LRRC28: variants seen among roughly 807,000 people sequenced by gnomAD.
The protein encoded by LRRC28 is leucine rich repeat containing 28.
In LRRC28, 39 loss-of-function variants were observed where a neutral mutation model predicts 45.7. That is an observed-to-expected ratio of 0.85 (90% CI 0.66 to 1.12). The LOEUF is 1.12. LRRC28 is among the 50% of genes most tolerant of loss of function. The pLI is 0.00. For synonymous variants in LRRC28, 206 were observed against 178.8 expected (o/e 1.15, Z -1.22); for missense variants, 435 against 438.5 (o/e 0.99, Z 0.07).
chr15:99,369,921 CT>C (rs967661100), intron 9 of LRRC28, among the ~76,000 whole-genome samples: 23 of 152,254 alleles, frequency 1.5e-4, no homozygotes, highest in African/African-American at 5.3e-4. Context: ...GTTATCTCTG[CT>C]TTTGTGTAAT....
rs773239780 is a variant in LRRC28, at chr15:99,333,997, C to A, written c.460C>A (p.His154Asn). The A allele has an allele frequency of 1.2e-6, 2 of 1,614,050 alleles. No individual in the cohort carries two copies. The highest frequency in any genetic ancestry group is 3.3e-5 in the Admixed American group (2 of 59,980). ...NRLLTLPERL[H>N]MCLSLQYLTV... Reference sequence around the variant, plus strand: ...TTTGCTAACTTTACCCGAGAGGCTTCACATGTGCCTTTCTCTGCAGTACCT... The same window carrying A: ...TTTGCTAACTTTACCCGAGAGGCTTAACATGTGCCTTTCTCTGCAGTACCT... The change falls in exon 6 of 10, where the codon CAC becomes AAC. Residue 154 changes from histidine (H) to asparagine (N), a missense_variant. Physicochemically the swap from His to Asn is moderately conservative, Grantham distance 68. Transcript: ENST00000301981.
intron 2 of LRRC28, 98 bp from the exon 3 acceptor site, chr15:99,276,478 T>G (rs2081619417): frequency 1.2e-6 from 1 of 867,312 alleles, no homozygotes. Flanking sequence ...TCTCAAAATT[T>G]ACACCCCTCA....
intron 3 of LRRC28, among the ~76,000 whole-genome samples, chr15:99,283,213 T>C (rs927117394): frequency 6.6e-6 from 1 of 151,960 alleles, no homozygotes; most frequent in Non-Finnish European, 1.5e-5. Flanking sequence ...TTTTTAAAAC[T>C]TTTTTTATTT....
chr15:99,275,553 C>T (rs1264108216), intron 2 of LRRC28, among the ~76,000 whole-genome samples: 1 of 152,194 alleles, frequency 6.6e-6, no homozygotes, highest in African/African-American at 2.4e-5. Context: ...TTCAGGGCTG[C>T]CGTGACAAAT....
At chr15:99,279,432 T>G (rs1476445184) in intron 3 of LRRC28, among the ~76,000 whole-genome samples, 2 of 152,334 alleles carry the variant, frequency 1.3e-5, no homozygotes, top group East Asian at 3.9e-4. Flanking sequence ...TGTTTCAGTT[T>G]ACAGTGGTTT....
chr15:99,350,142 CAA>C (rs71149462), intron 6 of LRRC28, among the ~76,000 whole-genome samples: 10 of 97,874 alleles, frequency 1.0e-4, no homozygotes, highest in Non-Finnish European at 9.9e-5. Flanking sequence ...GACTCCGTCT[CAA>C]AAAAAAAAAA....
intron 5 of LRRC28, among the ~76,000 whole-genome samples, chr15:99,307,608 C>T (rs1955233788): frequency 6.6e-6 from 1 of 152,130 alleles, no homozygotes; most frequent in African/African-American, 2.4e-5. Flanking sequence ...AGTATGTACT[C>T]AATAAATTTA....
intron 9 of LRRC28, among the ~76,000 whole-genome samples, chr15:99,376,290 CTCTTG>C (rs1287934312): frequency 6.6e-6 from 1 of 151,906 alleles, no homozygotes; most frequent in Non-Finnish European, 1.5e-5. Flanking sequence ...GAAGATTTTC[CTCTTG>C]TCTTTTTGTT....
intron 6 of LRRC28, chr15:99,337,852 C>T (rs1272850548): frequency 6.6e-6 from 1 of 152,292 alleles, no homozygotes; most frequent in Non-Finnish European, 1.5e-5. Context: ...TTTTACTTTA[C>T]TTAAGAAAAG....
intron 1 of LRRC28, among the ~76,000 whole-genome samples, chr15:99,252,525 C>T (rs1463375293): frequency 6.6e-6 from 1 of 152,210 alleles, no homozygotes; most frequent in African/African-American, 2.4e-5. Flanking sequence ...CGGCGGTGCA[C>T]ACGCTTTGTA....
intron 3 of LRRC28, chr15:99,285,837 G>T: frequency 5.1e-6 from 2 of 395,852 alleles, no homozygotes; most frequent in Non-Finnish European, 9.7e-6. Flanking sequence ...TTTTGATTTA[G>T]GTATTCCTTC....
chr15:99,270,075 G>C (rs1383342413), intron 2 of LRRC28, among the ~76,000 whole-genome samples: 2 of 152,114 alleles, frequency 1.3e-5, no homozygotes, highest in Non-Finnish European at 2.9e-5. Flanking sequence ...GTTGAAAAGA[G>C]GTCTACCACA....
chr15:99,271,742 G>A (rs1010171653), intron 2 of LRRC28, among the ~76,000 whole-genome samples: 6 of 152,110 alleles, frequency 3.9e-5, no homozygotes, highest in African/African-American at 1.4e-4. Context: ...TACTATAGGC[G>A]CATGCCACCA....
chr15:99,379,764 G>C (rs549165252), intron 9 of LRRC28, among the ~76,000 whole-genome samples: 207 of 152,310 alleles, frequency 1.4e-3, no homozygotes, highest in African/African-American at 4.1e-3. Context: ...TGGTTTCAAA[G>C]AACATCTTTA....
At chr15:99,326,858 T>C (rs1955996023) in intron 5 of LRRC28, among the ~76,000 whole-genome samples, 1 of 152,200 alleles carries the variant, frequency 6.6e-6, no homozygotes. Flanking sequence ...AGATTTCTTA[T>C]GATGTTTTTG....
chr15:99,293,488 G>A lies in LRRC28; in HGVS notation c.385+5537G>A, dbSNP rs184135100. Among the ~76,000 whole-genome samples the A allele has an allele frequency of 5.6e-4, 85 of 150,728 alleles. No individual in the cohort carries two copies. The East Asian group carries it at 0.012, about 21-fold the overall frequency. On this transcript the variant is annotated intron_variant, in intron 5 of 9. Transcript: ENST00000301981. ...CATGCCTGTAATCCCAGCTACTCAG[G>A]AGGCTGAGGCAGGAGAATCGCTTGA...
chr15:99,384,793 A>C (rs1168099191), intron 9 of LRRC28: 1 of 152,270 alleles, frequency 6.6e-6, no homozygotes, highest in East Asian at 1.9e-4. Flanking sequence ...TAAGAAAGCC[A>C]TTCGTGTACT....
chr15:99,253,057 G>T (rs148101783), intron 1 of LRRC28, among the ~76,000 whole-genome samples: 1 of 151,464 alleles, frequency 6.6e-6, no homozygotes, highest in Non-Finnish European at 1.5e-5. Context: ...GGAGTCCTAC[G>T]AAGAAAAAAC....
chr15:99,388,053 G>A lies in LRRC28; in HGVS notation c.*1951G>A, dbSNP rs2152565206. On this transcript the variant is annotated 3_prime_UTR_variant, in exon 10 of 10. Transcript: ENST00000301981. ...TCTATTCAGCCTTAACATTTCAAAG[G>A]CTTATAGTAAAATAGGAACTGAAGA... is the stretch of plus-strand genomic sequence containing the variant. 1 of 152,296 alleles carries A rather than the reference G, an allele frequency of 6.6e-6. No individual in the cohort carries two copies. The highest frequency in any genetic ancestry group is 2.1e-4 in the South Asian group (1 of 4,818). The allele number at this position is 152,296 out of a possible 1,614,324, so 9.4% of individuals were successfully genotyped here.
Sources: allele counts gnomAD v4.1 joint callset (sites outside exome capture counted in the v4.1 genomes callset), GRCh38; gene constraint gnomAD v4.1.1; transcripts MANE v1.5; gene names NCBI Gene and HGNC (gene_info 2026-07-23, HGNC 2026-07-21).